KCNH7: variants seen among roughly 807,000 people sequenced by gnomAD.
KCNH7 encodes potassium voltage-gated channel subfamily H member 7.
Under a neutral mutation model 120.8 loss-of-function variants are expected in KCNH7, and 49 were observed. That is an observed-to-expected ratio of 0.41 (90% CI 0.32 to 0.51). KCNH7 has a LOEUF of 0.51. Ranked by LOEUF, KCNH7 falls within the 20% of genes least tolerant of loss-of-function variation. KCNH7 has a pLI of 0.38. For synonymous variants in KCNH7, 547 were observed against 516.1 expected (o/e 1.06, Z -0.81); for missense variants, 1,097 against 1,446.6 (o/e 0.76, Z 3.92).
At chr2:162,539,447 A>T (rs1363260921) in intron 2 of KCNH7, among the ~76,000 whole-genome samples, 1 of 152,078 alleles carries the variant, frequency 6.6e-6, no homozygotes, top group African/African-American at 2.4e-5. Context: ...AAGAAATAAA[A>T]TATGTGGGGA....
chr2:162,814,691 A>G (rs932476395), intron 2 of KCNH7, among the ~76,000 whole-genome samples: 3 of 152,176 alleles, frequency 2.0e-5, no homozygotes, highest in Non-Finnish European at 4.4e-5. Flanking sequence ...TCCAAGGAAT[A>G]AATATTCTTC....
At chr2:162,606,115 G>A (rs1014173366) in intron 2 of KCNH7, among the ~76,000 whole-genome samples, 1 of 152,044 alleles carries the variant, frequency 6.6e-6, no homozygotes, top group Non-Finnish European at 1.5e-5. Flanking sequence ...AGCAGTGGCT[G>A]ATTACATAGT....
intron 2 of KCNH7, among the ~76,000 whole-genome samples, chr2:162,549,956 G>A (rs1290477570): frequency 6.6e-6 from 1 of 152,220 alleles, no homozygotes; most frequent in South Asian, 2.1e-4. Flanking sequence ...TATTTTAGAC[G>A]CTGCTGCTTC....
chr2:162,788,518 G>A (rs1015342337), intron 2 of KCNH7, among the ~76,000 whole-genome samples: 5 of 152,024 alleles, frequency 3.3e-5, no homozygotes, highest in Admixed American at 2.6e-4. Flanking sequence ...TGATAAAGCA[G>A]AAGAAAGAAT....
chr2:162,635,815 A>G (rs1349075228), intron 2 of KCNH7, among the ~76,000 whole-genome samples: 2 of 151,826 alleles, frequency 1.3e-5, no homozygotes, highest in Admixed American at 6.6e-5. Flanking sequence ...GCTGCTGAAA[A>G]CCCTGTTGTT....
chr2:162,588,173 T>C (rs994096607), intron 2 of KCNH7, among the ~76,000 whole-genome samples: 2 of 152,084 alleles, frequency 1.3e-5, no homozygotes, highest in African/African-American at 4.8e-5. Context: ...ATGACGCCAC[T>C]ACTGACCTTC....
intron 6 of KCNH7, among the ~76,000 whole-genome samples, chr2:162,459,285 C>T (rs1294162647): frequency 6.6e-6 from 1 of 151,916 alleles, no homozygotes; most frequent in African/African-American, 2.4e-5. Context: ...ATCTCAAATT[C>T]CTGAACATGT....
chr2:162,546,167 C>T (rs1692470241), intron 2 of KCNH7, among the ~76,000 whole-genome samples: 1 of 152,098 alleles, frequency 6.6e-6, no homozygotes, highest in Non-Finnish European at 1.5e-5. Context: ...AATTTTGGAG[C>T]TTTGTGGATT....
At chr2:162,795,451 ATGG>A (rs1684111133) in intron 2 of KCNH7, 1 of 152,006 alleles carries the variant, frequency 6.6e-6, no homozygotes, top group Admixed American at 6.6e-5. Context: ...TGGTTAAAGT[ATGG>A]TGAAGTCTGT....
At chr2:162,823,390 T>C (rs1192755806) in intron 2 of KCNH7, among the ~76,000 whole-genome samples, 2 of 152,088 alleles carry the variant, frequency 1.3e-5, no homozygotes, top group Admixed American at 6.5e-5. Context: ...TTTAGCCCAA[T>C]CCTTGAAATA....
At chr2:162,795,333 A>T (rs1382157623) in intron 2 of KCNH7, 1 of 152,084 alleles carries the variant, frequency 6.6e-6, no homozygotes, top group Non-Finnish European at 1.5e-5. Flanking sequence ...TATGGAAGGA[A>T]GGGTCAGCAA....
At chr2:162,734,835 C>A (rs574149261) in intron 2 of KCNH7, among the ~76,000 whole-genome samples, 1 of 152,100 alleles carries the variant, frequency 6.6e-6, no homozygotes, top group South Asian at 2.1e-4. Flanking sequence ...TCTTGCCAAT[C>A]CTTTTAACAT....
rs542191962 is a variant in KCNH7, at chr2:162,671,942, T to C, written c.308-134862A>G. 9.2e-5 allele frequency among the ~76,000 whole-genome samples: 14 copies of C among 152,130 alleles called. No individual in the cohort carries two copies. The South Asian group carries it at 2.5e-3, about 27-fold the overall frequency. On this transcript the variant is annotated intron_variant, in intron 2 of 15. Transcript: ENST00000332142. ...CACTTTAAACAACTATAAACATACA[T>C]ATAGTAATGAGATAGCACAATAAAC...
Position 162,735,953 on chromosome 2 carries a change from T to A in KCNH7, c.307+100584A>T, listed in dbSNP as rs1185376245. 2.0e-5 allele frequency among the ~76,000 whole-genome samples: 3 copies of A among 152,274 alleles called. No individual in the cohort carries two copies. In the East Asian group the frequency reaches 5.8e-4, roughly 29 times the overall value. On this transcript the variant is annotated intron_variant, in intron 2 of 15. Coordinates refer to ENST00000332142, the MANE Select transcript of KCNH7 (RefSeq NM_033272.4). ...GGCCAGCAGAGCCTCATGGTCAAGA[T>A]AATTGAATGTTGAAGTACTTGTATG...
intron 2 of KCNH7, among the ~76,000 whole-genome samples, chr2:162,808,354 T>C (rs1051161140): frequency 1.4e-4 from 22 of 152,186 alleles, no homozygotes; most frequent in Admixed American, 4.6e-4. Context: ...TCTGGATCTA[T>C]GGGTACAGTC....
At chr2:162,678,679 A>G (rs963084653) in intron 2 of KCNH7, among the ~76,000 whole-genome samples, 1 of 151,526 alleles carries the variant, frequency 6.6e-6, no homozygotes, top group Non-Finnish European at 1.5e-5. Context: ...AAACTTCTTT[A>G]ACCCTTATGA....
intron 2 of KCNH7, among the ~76,000 whole-genome samples, chr2:162,803,644 G>A (rs552993690): frequency 1.3e-5 from 2 of 151,720 alleles, no homozygotes; most frequent in South Asian, 4.1e-4. Context: ...CAAAATTATT[G>A]GCACATATTT....
chr2:162,604,604 C>T (rs945175628), intron 2 of KCNH7, among the ~76,000 whole-genome samples: 2 of 152,020 alleles, frequency 1.3e-5, no homozygotes, highest in Non-Finnish European at 2.9e-5. Context: ...CTCTAAATCT[C>T]GCCCTCCTTT....
At chr2:162,486,510 G>A (rs1336956753) in intron 6 of KCNH7, among the ~76,000 whole-genome samples, 1 of 152,058 alleles carries the variant, frequency 6.6e-6, no homozygotes, top group East Asian at 1.9e-4. Context: ...GTTCCTTTAA[G>A]CTAAGTTCTA....
Sources: allele counts gnomAD v4.1 joint callset (sites outside exome capture counted in the v4.1 genomes callset), GRCh38; gene constraint gnomAD v4.1.1; transcripts MANE v1.5; gene names NCBI Gene and HGNC (gene_info 2026-07-23, HGNC 2026-07-21).